The following ADGRL3 variants were observed in gnomAD, a reference collection of about 807,000 sequenced individuals.
ADGRL3 encodes calcium-independent alpha-latrotoxin receptor 3.
In ADGRL3, 62 loss-of-function variants were observed where a neutral mutation model predicts 153.5. The ratio of observed to expected loss-of-function variants is 0.40; its 90% CI spans 0.33 to 0.50. The LOEUF is 0.50. Ranked by LOEUF, ADGRL3 falls within the 20% of genes least tolerant of loss-of-function variation. ADGRL3 has a pLI of 0.47. For synonymous variants in ADGRL3, 710 were observed against 672.5 expected, an observed-to-expected ratio of 1.06 and a Z score of -0.86; for missense variants, 1,641 against 1,859.4, an observed-to-expected ratio of 0.88 and a Z score of 2.16.
At chr4:61,541,389 A>G (rs1212387096) in intron 4 of ADGRL3, among the ~76,000 whole-genome samples, 2 of 147,034 alleles carry the variant, frequency 1.4e-5, no homozygotes, top group East Asian at 4.0e-4. Context: ...TGGGCAAGTA[A>G]CATGTAGTTG....
At chr4:61,493,787 C>T (rs2098282162) in intron 2 of ADGRL3, among the ~76,000 whole-genome samples, 1 of 152,164 alleles carries the variant, frequency 6.6e-6, no homozygotes, top group Non-Finnish European at 1.5e-5. Flanking sequence ...GTGTTGTACC[C>T]TTCCTTTGCA....
At chr4:61,368,560 A>C (rs1488821268) in intron 1 of ADGRL3, among the ~76,000 whole-genome samples, 1 of 151,662 alleles carries the variant, frequency 6.6e-6, no homozygotes, top group African/African-American at 2.4e-5. Flanking sequence ...GTTATTTCTG[A>C]GGGCTCTGTT....
At chr4:61,615,484 T>C (rs2091894040) in intron 5 of ADGRL3, among the ~76,000 whole-genome samples, 1 of 152,072 alleles carries the variant, frequency 6.6e-6, no homozygotes, top group South Asian at 2.1e-4. Flanking sequence ...AAATTGAATT[T>C]TGAAATATGA....
chr4:61,538,144 A>T (rs1256905689), intron 4 of ADGRL3, among the ~76,000 whole-genome samples: 1 of 152,164 alleles, frequency 6.6e-6, no homozygotes, highest in Non-Finnish European at 1.5e-5. Context: ...ATAAAAAAAT[A>T]AAATAAAATA....
intron 4 of ADGRL3, among the ~76,000 whole-genome samples, chr4:61,533,059 T>A (rs1427986834): frequency 6.6e-6 from 1 of 152,086 alleles, no homozygotes; most frequent in Non-Finnish European, 1.5e-5. Flanking sequence ...CAGCCTTAAT[T>A]AGGGAAAAAT....
At chr4:61,403,436 C>T (rs1039204843) in intron 2 of ADGRL3, among the ~76,000 whole-genome samples, 5 of 151,972 alleles carry the variant, frequency 3.3e-5, no homozygotes, top group African/African-American at 1.2e-4. Context: ...TTAGTGAAGT[C>T]TCATAACCCA....
chr4:61,782,692 C>G (rs990853859), intron 8 of ADGRL3, among the ~76,000 whole-genome samples: 1 of 152,106 alleles, frequency 6.6e-6, no homozygotes, highest in Non-Finnish European at 1.5e-5. Flanking sequence ...TGGAAGCTTA[C>G]TTTAACAATA....
intron 8 of ADGRL3, among the ~76,000 whole-genome samples, chr4:61,783,359 G>A (rs978158402): frequency 6.6e-6 from 1 of 152,046 alleles, no homozygotes. Flanking sequence ...GACCTTCAGA[G>A]GTTATGAGGT....
chr4:61,925,752 C>T (rs2098791720), intron 13 of ADGRL3, among the ~76,000 whole-genome samples: 1 of 152,094 alleles, frequency 6.6e-6, no homozygotes, highest in Non-Finnish European at 1.5e-5. Flanking sequence ...ACCCAAACAC[C>T]TCCCACCAGG....
chr4:61,720,672 T>C (rs1053495988), intron 6 of ADGRL3, among the ~76,000 whole-genome samples: 2 of 152,318 alleles, frequency 1.3e-5, no homozygotes, highest in Admixed American at 6.5e-5. Flanking sequence ...AAGCCTGGCA[T>C]TGTATCTTGA....
intron 2 of ADGRL3, among the ~76,000 whole-genome samples, chr4:61,473,308 TAA>T (rs1385580356): frequency 6.6e-6 from 1 of 151,928 alleles, no homozygotes; most frequent in Non-Finnish European, 1.5e-5. Context: ...TAGAGGTTTT[TAA>T]AAAAAGCCCT....
At chr4:61,369,199 C>T (rs1211059731) in intron 1 of ADGRL3, among the ~76,000 whole-genome samples, 7 of 152,180 alleles carry the variant, frequency 4.6e-5, no homozygotes, top group East Asian at 3.9e-4. Flanking sequence ...ACTTCCTCTT[C>T]TCCTAATTGA....
chr4:61,364,345 A>AT (rs1491056659), intron 1 of ADGRL3, among the ~76,000 whole-genome samples: 61 of 140,370 alleles, frequency 4.3e-4, no homozygotes, highest in African/African-American at 1.5e-3. Flanking sequence ...AAAAAAAAAA[A>AT]ATAATAATAA....
intron 1 of ADGRL3, among the ~76,000 whole-genome samples, chr4:61,296,029 T>C (rs571396146): frequency 4.9e-4 from 74 of 152,296 alleles, no homozygotes; most frequent in African/African-American, 1.7e-3. Context: ...GTATATGTTA[T>C]GTGTTTTAAA....
At chr4:61,580,982 C>T (rs11131331) in intron 4 of ADGRL3, among the ~76,000 whole-genome samples, 50,050 of 151,872 alleles carry the variant, frequency 0.33, 8,785 homozygotes, top group East Asian at 0.51. Context: ...GAACTGTGAA[C>T]ACATTTTAAA....
At chr4:61,801,765 C>G (rs191124063) in intron 8 of ADGRL3, among the ~76,000 whole-genome samples, 1 of 152,096 alleles carries the variant, frequency 6.6e-6, no homozygotes, top group South Asian at 2.1e-4. Context: ...AGGGTTTTCA[C>G]TTATGCCTAA....
intron 1 of ADGRL3, among the ~76,000 whole-genome samples, chr4:61,223,733 G>A (rs915697437): frequency 6.6e-6 from 1 of 152,172 alleles, no homozygotes; most frequent in South Asian, 2.1e-4. Flanking sequence ...ACATTGGCCA[G>A]TTTCTGTCTG....
intron 5 of ADGRL3, among the ~76,000 whole-genome samples, chr4:61,648,896 G>A (rs1005594906): frequency 3.9e-5 from 6 of 151,970 alleles, no homozygotes; most frequent in Non-Finnish European, 8.8e-5. Context: ...ATTTAAAATT[G>A]TTAGGGACAT....
intron 24 of ADGRL3, among the ~76,000 whole-genome samples, chr4:62,038,729 C>T (rs765139808): frequency 3.3e-5 from 5 of 152,120 alleles, no homozygotes; most frequent in Non-Finnish European, 5.9e-5. Context: ...AGCCTCCAGC[C>T]TCCCGAGTAG....
Sources: allele counts gnomAD v4.1 joint callset (sites outside exome capture counted in the v4.1 genomes callset), GRCh38; gene constraint gnomAD v4.1.1; transcripts MANE v1.5; gene names NCBI Gene and HGNC (gene_info 2026-07-23, HGNC 2026-07-21).